The following ELAVL4 variants were observed in gnomAD, a reference collection of about 807,000 sequenced individuals.
The protein encoded by ELAVL4 is ELAV like RNA binding protein 4.
In ELAVL4, 1 loss-of-function variant was observed where a neutral mutation model predicts 35.6. The ratio of observed to expected loss-of-function variants is 0.03; its 90% CI spans 0.01 to 0.13. The LOEUF is 0.13. Ranked by LOEUF, ELAVL4 falls within the 10% of genes least tolerant of loss-of-function variation. The pLI is 1.00. For missense variants in ELAVL4, 267 were observed against 464.9 expected, an observed-to-expected ratio of 0.57 and a Z score of 3.91; for synonymous variants, 156 against 171.0, an observed-to-expected ratio of 0.91 and a Z score of 0.69.
chr1:50,126,974 T>C (rs908230571), intron 1 of ELAVL4, among the ~76,000 whole-genome samples: 1 of 152,104 alleles, frequency 6.6e-6, no homozygotes, highest in African/African-American at 2.4e-5. Context: ...TGATCACTAG[T>C]TCACATTTGT....
chr1:50,081,277 T>C (rs1048156474), intron 1 of ELAVL4, among the ~76,000 whole-genome samples: 1 of 152,170 alleles, frequency 6.6e-6, no homozygotes, highest in Non-Finnish European at 1.5e-5. Context: ...CTGAATTCAG[T>C]TTGTCTCTGG....
chr1:50,140,975 G>A (rs1672721994), intron 1 of ELAVL4, among the ~76,000 whole-genome samples: 1 of 152,146 alleles, frequency 6.6e-6, no homozygotes, highest in African/African-American at 2.4e-5. Flanking sequence ...TCACCTCCTG[G>A]AGTCAACATA....
intron 1 of ELAVL4, among the ~76,000 whole-genome samples, chr1:50,092,695 T>A (rs921579550): frequency 1.3e-5 from 2 of 152,138 alleles, no homozygotes; most frequent in Admixed American, 1.3e-4. Flanking sequence ...AGGGACTGCT[T>A]GGTGATTTTT....
chr1:50,194,056 A>T, intron 4 of ELAVL4, 138 bp downstream of exon 4: 2 of 1,166,952 alleles, frequency 1.7e-6, no homozygotes, highest in South Asian at 1.7e-5. Context: ...TGGAAGAAAG[A>T]CTTCTTATCG....
At chr1:50,104,418 G>A (rs1485364781), upstream of ELAVL4, among the ~76,000 whole-genome samples, 1 of 152,192 alleles carries the variant, frequency 6.6e-6, no homozygotes, top group Admixed American at 6.5e-5. Context: ...TTTGATGAGA[G>A]CAACTCCTCC....
chr1:50,198,755 T>A (rs1302752223), intron 6 of ELAVL4, among the ~76,000 whole-genome samples: 1 of 152,206 alleles, frequency 6.6e-6, no homozygotes, highest in South Asian at 2.1e-4. Flanking sequence ...GTAGTAGGCC[T>A]GCCACCACCT....
chr1:50,148,963 G>GT (rs1674238862), intron 2 of ELAVL4, among the ~76,000 whole-genome samples: 1 of 152,128 alleles, frequency 6.6e-6, no homozygotes, highest in South Asian at 2.1e-4. Flanking sequence ...CCAGGGCAAG[G>GT]TTAGGTGGCT....
intron 1 of ELAVL4, among the ~76,000 whole-genome samples, chr1:50,056,547 A>T (rs1332438592): frequency 6.6e-5 from 10 of 152,240 alleles, no homozygotes; most frequent in Non-Finnish European, 5.9e-5. Context: ...AGTATAGCAC[A>T]TACAATTATG....
chr1:50,092,532 C>G (rs1665540565), intron 1 of ELAVL4, among the ~76,000 whole-genome samples: 1 of 152,194 alleles, frequency 6.6e-6, no homozygotes, highest in African/African-American at 2.4e-5. Context: ...TGCGACATCT[C>G]AATTCTCTGA....
chr1:50,078,020 C>CCTGGAGG (rs2148493326), intron 1 of ELAVL4, among the ~76,000 whole-genome samples: 1 of 152,206 alleles, frequency 6.6e-6, no homozygotes, highest in East Asian at 1.9e-4. Context: ...TTACTAACTT[C>CCTGGAGG]TCTGTCCCTG....
At chr1:50,120,045 G>A (rs572256899) in intron 1 of ELAVL4, among the ~76,000 whole-genome samples, 24 of 143,520 alleles carry the variant, frequency 1.7e-4, no homozygotes, top group East Asian at 4.5e-4. Context: ...CAAATTTTTC[G>A]TTGGAGAATC....
chr1:50,152,908 T>C (rs1398376528), intron 2 of ELAVL4, among the ~76,000 whole-genome samples: 1 of 152,238 alleles, frequency 6.6e-6, no homozygotes, highest in Non-Finnish European at 1.5e-5. Flanking sequence ...ACAGTATTTA[T>C]TTAGTGTCTA....
At chr1:50,057,600 C>T (rs975604966) in intron 1 of ELAVL4, among the ~76,000 whole-genome samples, 1 of 152,146 alleles carries the variant, frequency 6.6e-6, no homozygotes, top group Non-Finnish European at 1.5e-5. Context: ...TTTAGATACA[C>T]AAATACAAGC....
intron 5 of ELAVL4, 63 bp from the exon 6 acceptor site, chr1:50,197,366 G>C: frequency 6.7e-7 from 1 of 1,495,562 alleles, no homozygotes; most frequent in South Asian, 1.3e-5. Flanking sequence ...CTTATTAATA[G>C]TTCCATTGAG....
chr1:50,128,483 G>T (rs747253915), intron 1 of ELAVL4, among the ~76,000 whole-genome samples: 1 of 152,056 alleles, frequency 6.6e-6, no homozygotes, highest in African/African-American at 2.4e-5. Context: ...TGAGCTCTGC[G>T]CTGTTCCCTG....
At chr1:50,195,338 G>C (rs577351450) in intron 4 of ELAVL4, among the ~76,000 whole-genome samples, 1 of 152,258 alleles carries the variant, frequency 6.6e-6, no homozygotes, top group African/African-American at 2.4e-5. Flanking sequence ...AGATGCAAGA[G>C]AGCCCTGTGT....
At chr1:50,193,670 C>G in intron 3 of ELAVL4, 95 bp from the exon 4 acceptor site, 1 of 1,427,854 alleles carries the variant, frequency 7.0e-7, no homozygotes, top group South Asian at 1.4e-5. Flanking sequence ...TGAGTTGTAA[C>G]GGTAGATGAG....
At chr1:50,079,358 G>T (rs1664909408) in intron 1 of ELAVL4, among the ~76,000 whole-genome samples, 1 of 152,194 alleles carries the variant, frequency 6.6e-6, no homozygotes, top group Non-Finnish European at 1.5e-5. Flanking sequence ...GAGAAGGGAA[G>T]GAAGCAGGAT....
In ELAVL4 at chr1:50,193,842, C is replaced by G; in HGVS notation, c.432C>G (p.Thr144=). The change falls in exon 4 of 7, where the codon ACC becomes ACG. Residue 144 remains threonine, a synonymous_variant. Transcript: ENST00000371824. ...TTAGCGGCCTTCCCAAAACCATGAC[C>G]CAGAAGGAACTGGAGCAACTTTTCT... is the stretch of plus-strand genomic sequence containing the variant. ...LYVSGLPKTM[T]QKELEQLFSQ... 6.2e-7 allele frequency: 1 copy of G among 1,614,058 alleles called. No individual in the cohort carries two copies. The highest frequency in any genetic ancestry group is 8.5e-7 in the Non-Finnish European group (1 of 1,179,976).
Sources: gnomAD v4.1 joint callset for allele counts (sites outside exome capture counted in the v4.1 genomes callset) on GRCh38, gnomAD v4.1.1 for gene constraint, MANE v1.5 for transcripts, NCBI Gene and HGNC (gene_info 2026-07-23, HGNC 2026-07-21) for gene names.